SLC22A11: variants seen among roughly 807,000 people sequenced by gnomAD.
SLC22A11 encodes organic anion transporter 4.
In SLC22A11, 42 loss-of-function variants were observed where a neutral mutation model predicts 49.4. The ratio of observed to expected loss-of-function variants is 0.85; its 90% CI spans 0.66 to 1.10. SLC22A11 has a LOEUF of 1.10. Among genes scored for constraint, SLC22A11 ranks in the 50% least tolerant of loss-of-function variants. SLC22A11 has a pLI of 0.00. For synonymous variants in SLC22A11, 304 were observed against 315.8 expected (o/e 0.96, Z 0.40); for missense variants, 685 against 731.6 (o/e 0.94, Z 0.74).
In SLC22A11 at chr11:64,562,509, C is replaced by A; in HGVS notation, c.821+74C>A. On this transcript the variant is annotated intron_variant, in intron 4 of 9. Transcript: ENST00000301891. This position sits in a 1 kb window ranked among gnomAD's most constrained non-coding sequence, Gnocchi z 4.4. ...GGACTCTTCACTTTCACCTCTCTGG[C>A]TGGCAGTAGGTCCAGAGACCTGGAG... The A allele has an allele frequency of 6.9e-7, 1 of 1,446,116 alleles. No individual in the cohort carries two copies. The highest frequency in any genetic ancestry group is 1.4e-5 in the African/African-American group (1 of 70,570). The allele number at this position is 1,446,116 out of a possible 1,614,324, so 89.6% of individuals were successfully genotyped here. A position where few individuals can be genotyped will look rare whatever the true frequency, so the allele number is the denominator to read the frequency against.
At chr11:64,569,566 C>A in intron 8 of SLC22A11, 86 bp from the exon 9 acceptor site, 1 of 1,416,294 alleles carries the variant, frequency 7.1e-7, no homozygotes, top group Non-Finnish European at 9.7e-7. Context: ...CCCAGCTTTC[C>A]TTCCCCTGGC....
At chr11:64,566,912 G>A (rs887127566) in intron 6 of SLC22A11, among the ~76,000 whole-genome samples, 1 of 152,178 alleles carries the variant, frequency 6.6e-6, no homozygotes, top group Admixed American at 6.5e-5. Context: ...TTTAAATACC[G>A]TAAATTCAGC....
rs1038567655 is a variant in SLC22A11 at position 64,565,535 on chromosome 11, G to A, written c.1058+198G>A. On this transcript the variant is annotated intron_variant, in intron 6 of 9. Transcript: ENST00000301891. The surrounding 1 kb of genome is among the most constrained non-coding windows in gnomAD (Gnocchi z 4.1). ...CAGCAGAGAGGGACTATGCACAGGT[G>A]GGATCTGGAGGCTGCCATCTGCAGG... 2.6e-5 allele frequency: 17 copies of A among 649,928 alleles called. No homozygotes were observed. Among genetic ancestry groups the A allele is most frequent in the African/African-American group, 3.6e-5 (2 of 55,806 alleles). The allele number at this position is 649,928 out of a possible 1,614,324, so 40.3% of individuals were successfully genotyped here. A position where few individuals can be genotyped will look rare whatever the true frequency, so the allele number is the denominator to read the frequency against.
intron 7 of SLC22A11, among the ~76,000 whole-genome samples, 194 bp from the exon 8 acceptor site, chr11:64,568,476 G>A (rs1373450427): frequency 1.3e-5 from 2 of 152,222 alleles, no homozygotes; most frequent in East Asian, 3.9e-4. Flanking sequence ...TGCCCCTCGG[G>A]CCCCTGCCGC....
At position 64,569,867 on chromosome 11, in the gene SLC22A11, C is replaced by T. The variant is rs1293837609; in HGVS notation, c.1589+9C>T. On this transcript the variant is annotated intron_variant, in intron 9 of 9. Transcript: ENST00000301891. The stretch of plus-strand genomic sequence containing the variant: ...CAGGACCTGGAGAGCCAGTGAGTGA[C>T]CTGTGATCCCTGGGCATCGGGCTGG... The T allele has an allele frequency of 5.0e-6, 8 of 1,611,286 alleles. No homozygotes were observed. Among genetic ancestry groups the T allele is most frequent in the African/African-American group, 1.3e-5 (1 of 75,030 alleles).
At position 64,571,401 on chromosome 11, in the gene SLC22A11, C is replaced by A; in HGVS notation, c.*359C>A. On this transcript the variant is annotated 3_prime_UTR_variant, in exon 10 of 10. Coordinates refer to ENST00000301891, the MANE Select transcript of SLC22A11 (RefSeq NM_018484.4). The stretch of plus-strand genomic sequence containing the variant: ...CAGAGACTGGGTTCCAATCTCACCC[C>A]ACCACATACAGAGCCCTCATCTGTG... 1 of 262,844 alleles carries A rather than the reference C, an allele frequency of 3.8e-6. No individual in the cohort carries two copies. Among genetic ancestry groups the A allele is most frequent in the South Asian group, 5.8e-5 (1 of 17,384 alleles). The allele number at this position is 262,844 out of a possible 1,614,324, so 16.3% of individuals were successfully genotyped here.
chr11:64,568,835 T>A (rs561341898), intron 8 of SLC22A11, 57 bp downstream of exon 8: 1 of 1,492,744 alleles, frequency 6.7e-7, no homozygotes, highest in East Asian at 2.3e-5. Context: ...GAGAGGGCGG[T>A]GGGAAGGGAA....
chr11:64,560,778 G>A (rs923226952), intron 2 of SLC22A11, among the ~76,000 whole-genome samples: 1 of 152,136 alleles, frequency 6.6e-6, no homozygotes, highest in Non-Finnish European at 1.5e-5. Context: ...AGCTCAGCAC[G>A]GTGGCAGACA....
Position 64,563,610 on chromosome 11 carries a change from TAAAAAAAAAAAAAA to T in SLC22A11, c.822-683_822-670del, listed in dbSNP as rs869085115. On this transcript the variant is annotated intron_variant, in intron 4 of 9. Coordinates refer to ENST00000301891, the MANE Select transcript of SLC22A11 (RefSeq NM_018484.4). ...CTGCCTGGGGATATTTTAAATGTGC[TAAAAAAAAAAAAAA>T]AAAAAAAAAAAAAAGGCCGGGCACA... Among the ~76,000 whole-genome samples the T allele has an allele frequency of 3.8e-3, 166 of 43,856 alleles. 4 individuals carry two copies. The Middle Eastern group carries it at 0.075, about 20-fold the overall frequency. 28.8% of individuals were successfully genotyped at this position (43,856 alleles called of 152,430 possible). A position where few individuals can be genotyped will look rare whatever the true frequency, so the allele number is the denominator to read the frequency against.
At chr11:64,570,216 C>T (rs879597774) in intron 9 of SLC22A11, among the ~76,000 whole-genome samples, 1 of 152,242 alleles carries the variant, frequency 6.6e-6, no homozygotes, top group Non-Finnish European at 1.5e-5. Context: ...AAGGGAGATA[C>T]AGATAGTCTC....
In SLC22A11 at chr11:64,556,314, G is replaced by A; in HGVS notation, c.315G>A (p.Trp105Ter). ...LLDPNATATS[W>*]SEADTEPCVD... is the part of the protein sequence containing the mutation. ...ACCCCAATGCCACGGCCACCAGCTG[G>A]AGCGAAGCTGACACGGAGCCGTGTG... is the stretch of plus-strand genomic sequence containing the variant. The change falls in exon 1 of 10, where the codon TGG becomes TGA. Residue 105 changes from tryptophan to a stop codon, truncating the protein, a stop_gained. Transcript: ENST00000301891. LOFTEE classifies it high-confidence loss of function. 6 of 1,613,564 alleles carry A rather than the reference G, an allele frequency of 3.7e-6. No individual in the cohort carries two copies. The highest frequency in any genetic ancestry group is 1.7e-4 in the Middle Eastern group (1 of 6,060).
Position 64,560,593 on chromosome 11 carries a change from C to T in SLC22A11, c.497+1355C>T, listed in dbSNP as rs114532938. ...CTCAATGCTCTTCCTTGAGGAGGCC[C>T]TCCGAGGCCACGGAGCCAGAGACTC... On this transcript the variant is annotated intron_variant, in intron 2 of 9. Coordinates refer to ENST00000301891, the MANE Select transcript of SLC22A11 (RefSeq NM_018484.4). 1.5e-3 allele frequency among the ~76,000 whole-genome samples: 228 copies of T among 152,332 alleles called. 1 individual carries two copies. The highest frequency in any genetic ancestry group is 5.3e-3 in the African/African-American group (220 of 41,572).
rs1168963613 is a variant in SLC22A11 at position 64,556,166 on chromosome 11, A to G, written c.167A>G (p.Asn56Ser). The G allele has an allele frequency of 3.7e-6, 6 of 1,614,184 alleles. No individual in the cohort carries two copies. The Admixed American group carries it at 5.0e-5, about 13-fold the overall frequency. The change falls in exon 1 of 10, where the codon AAT (asparagine) becomes AGT (serine). Residue 56 changes from asparagine (N) to serine (S), a missense_variant. Transcript: ENST00000301891. ...CGATGCTGGACACACATGCTGGACA[A>G]TGGCTCTGCGGTTTCCACAAACATG... ...GHRCWTHMLD[N>S]GSAVSTNMTP...
In SLC22A11 at chr11:64,564,591, A is replaced by G. The variant is rs908774273; in HGVS notation, c.942+163A>G. Among the ~76,000 whole-genome samples, 7 of 151,256 alleles carry G rather than the reference A, an allele frequency of 4.6e-5. No homozygotes were observed. Among genetic ancestry groups the G allele is most frequent in the Non-Finnish European group, 8.9e-5 (6 of 67,786 alleles). ...AACACCTCCATCACCACCTCCACACAGACACCACCACCACCACCACCAATC... is the reference window on the plus strand; with the variant it reads ...AACACCTCCATCACCACCTCCACACGGACACCACCACCACCACCACCAATC... On this transcript the variant is annotated intron_variant, in intron 5 of 9. Transcript: ENST00000301891. This position sits in a 1 kb window ranked among gnomAD's most constrained non-coding sequence, Gnocchi z 4.2.
chr11:64,570,906 C>A, intron 9 of SLC22A11, 73 bp from the exon 10 acceptor site: 1 of 1,483,264 alleles, frequency 6.7e-7, no homozygotes, highest in Non-Finnish European at 9.4e-7. Flanking sequence ...AAGACTTGAC[C>A]GCCATTTTGC....
chr11:64,562,061 C>A lies in SLC22A11; in HGVS notation c.555C>A (p.Thr185=), dbSNP rs758217955. ...WCCLQLAVAG[T]STIFAPTFVI... is the part of the protein sequence containing the mutation. ...GCCTGCAGTTGGCCGTGGCGGGCACCAGCACCATCTTCGCCCCAACATTCG... is the reference window on the plus strand; with the variant it reads ...GCCTGCAGTTGGCCGTGGCGGGCACAAGCACCATCTTCGCCCCAACATTCG... Residue 185 remains threonine, a synonymous_variant, in exon 3 of 10, where the codon ACC becomes ACA. Transcript: ENST00000301891. The surrounding 1 kb of genome is among the most constrained non-coding windows in gnomAD (Gnocchi z 4.4). The A allele has an allele frequency of 4.2e-5, 68 of 1,613,670 alleles. No homozygotes were observed. The highest frequency in any genetic ancestry group is 5.7e-5 in the Non-Finnish European group (67 of 1,180,032).
rs766898085 is a variant in SLC22A11 at position 64,567,594 on chromosome 11, C to G, written c.1059-5C>G. The G allele has an allele frequency of 1.2e-6, 2 of 1,613,332 alleles. No individual in the cohort carries two copies. The highest frequency in any genetic ancestry group is 1.7e-6 in the Non-Finnish European group (2 of 1,179,524). ...CAGGGACCTGACTTCCAGCCTTGCCCGCAGTTTCTCTCTATTGATCTCCTA... is the reference window on the plus strand; with the variant it reads ...CAGGGACCTGACTTCCAGCCTTGCCGGCAGTTTCTCTCTATTGATCTCCTA... On this transcript the variant is annotated splice_polypyrimidine_tract_variant and splice_region_variant and intron_variant, in intron 6 of 9. Coordinates refer to ENST00000301891, the MANE Select transcript of SLC22A11 (RefSeq NM_018484.4).
rs563654199 is a variant in SLC22A11 at position 64,568,891 on chromosome 11, T to TC, written c.1382+120dup. ...GAAATGCAGCCAGGGCCGCTCAGGG[T>TC]CCCCCCCAGGACAGCTCTTCCCCTT... On this transcript the variant is annotated intron_variant, in intron 8 of 9. Transcript: ENST00000301891. 7.4e-4 allele frequency: 653 copies of TC among 885,266 alleles called. 5 individuals carry two copies. In the African/African-American group the frequency reaches 9.7e-3, roughly 13 times the overall value. The allele number at this position is 885,266 out of a possible 1,614,324, so 54.8% of individuals were successfully genotyped here.
Position 64,568,713 on chromosome 11 carries a change from A to G in SLC22A11, c.1317A>G (p.Gly439=). ...TGGTCTTTGCTGTGCTGGGAAAGGG[A>G]TGTTTTGGGATAAGCCTAACCTGCC... ...LRVVFAVLGK[G]CFGISLTCLT... Residue 439 remains glycine (G), a synonymous_variant, in exon 8 of 10, where the codon GGA becomes GGG. Transcript: ENST00000301891. 6.2e-7 allele frequency: 1 copy of G among 1,614,058 alleles called. No individual in the cohort carries two copies. Among genetic ancestry groups the G allele is most frequent in the Non-Finnish European group, 8.5e-7 (1 of 1,179,998 alleles).
Sources: gnomAD v4.1 joint callset for allele counts (sites outside exome capture counted in the v4.1 genomes callset) on GRCh38, gnomAD v4.1.1 for gene constraint, Gnocchi (gnomAD v3.1) non-coding constraint, MANE v1.5 for transcripts, NCBI Gene and HGNC (gene_info 2026-07-23, HGNC 2026-07-21) for gene names.